The following OTUB2 variants were observed in gnomAD, a reference collection of about 807,000 sequenced individuals.
OTUB2 encodes the protein OTU deubiquitinase, ubiquitin aldehyde binding 2, also known as ubiquitin thioesterase OTUB2.
Under a neutral mutation model 25.1 loss-of-function variants are expected in OTUB2, and 21 were observed. The observed-to-expected ratio is 0.84, with a 90% confidence interval of 0.59 to 1.21. The LOEUF (loss-of-function observed/expected upper bound fraction) is 1.21, where lower values mean the gene tolerates loss of function less well. Among genes scored for constraint, OTUB2 ranks in the 50% most tolerant of loss-of-function variants. OTUB2 has a pLI of 0.00. For missense variants in OTUB2, 283 were observed against 298.0 expected (o/e 0.95, Z 0.37); for synonymous variants, 122 against 122.8 (o/e 0.99, Z 0.04).
chr14:94,035,290 T>TC (rs1419387841), intron 1 of OTUB2, among the ~76,000 whole-genome samples: 1 of 135,740 alleles, frequency 7.4e-6, no homozygotes, highest in East Asian at 2.1e-4. Flanking sequence ...TCTTTTCTTT[T>TC]TTTTTTTTTT....
chr14:94,031,630 C>CTT (rs1430471634), intron 1 of OTUB2, among the ~76,000 whole-genome samples: 13 of 152,320 alleles, frequency 8.5e-5, no homozygotes, highest in African/African-American at 3.1e-4. Context: ...AGCTGTAGTG[C>CTT]TGGCTCCCAC....
In OTUB2 at chr14:94,047,373, T is replaced by C. The variant is rs184973306; in HGVS notation, c.*1451T>C. Reference sequence around the variant, plus strand: ...CTCTTCTGCCTTCGTGAAAAGCCAATAGCACTCTCAGATATCAGGGGATTT... The same window carrying C: ...CTCTTCTGCCTTCGTGAAAAGCCAACAGCACTCTCAGATATCAGGGGATTT... On this transcript the variant is annotated 3_prime_UTR_variant, in exon 6 of 6. Transcript: ENST00000203664. 6 of 152,262 alleles carry C rather than the reference T, an allele frequency of 3.9e-5. No individual in the cohort carries two copies. Among genetic ancestry groups the C allele is most frequent in the African/African-American group, 1.2e-4 (5 of 41,528 alleles). 9.4% of individuals were successfully genotyped at this position (152,262 alleles called of 1,614,324 possible).
chr14:94,041,687 C>T lies in OTUB2; in HGVS notation c.219-2284C>T, dbSNP rs150038207. ...GCCCCTGCCTCTCCTGCCCCGTTGCCTACCCACCCTGAGTTCTAGGCACAG... is the reference window on the plus strand; with the variant it reads ...GCCCCTGCCTCTCCTGCCCCGTTGCTTACCCACCCTGAGTTCTAGGCACAG... On this transcript the variant is annotated intron_variant, in intron 3 of 5. Coordinates refer to ENST00000203664, the MANE Select transcript of OTUB2 (RefSeq NM_023112.4). Among the ~76,000 whole-genome samples the T allele has an allele frequency of 1.7e-3, 255 of 152,320 alleles. 2 individuals carry two copies. Among genetic ancestry groups the T allele is most frequent in the Middle Eastern group, 0.014 (4 of 294 alleles).
rs144694361 is a variant in OTUB2 at position 94,031,676 on chromosome 14, G to A, written c.3+5136G>A. ...AAGCCAGTCTGAACACAAAGCCCAC[G>A]TCCTTGCGCTTTCTGCTAGTTCCCA... is the stretch of plus-strand genomic sequence containing the variant. On this transcript the variant is annotated intron_variant, in intron 1 of 5. Coordinates refer to ENST00000203664, the MANE Select transcript of OTUB2 (RefSeq NM_023112.4). Among the ~76,000 whole-genome samples, 28 of 152,254 alleles carry A rather than the reference G, an allele frequency of 1.8e-4. No individual in the cohort carries two copies. The East Asian group carries it at 3.9e-3, about 21-fold the overall frequency.
At chr14:94,035,831 C>T (rs917358286) in intron 1 of OTUB2, among the ~76,000 whole-genome samples, 3 of 152,116 alleles carry the variant, frequency 2.0e-5, no homozygotes, top group African/African-American at 4.8e-5. Flanking sequence ...CCCCCTTCTC[C>T]GTGCCAGGCC....
chr14:94,040,883 G>T lies in OTUB2; in HGVS notation c.218+1802G>T, dbSNP rs529757575. Reference sequence around the variant, plus strand: ...GTCTGGGGTTGGCAGTTTCAAGCAGGGTTGGAGAGGTAAGGGCGGCAGGGC... The same window carrying T: ...GTCTGGGGTTGGCAGTTTCAAGCAGTGTTGGAGAGGTAAGGGCGGCAGGGC... On this transcript the variant is annotated intron_variant, in intron 3 of 5. Coordinates refer to ENST00000203664, the MANE Select transcript of OTUB2 (RefSeq NM_023112.4). 6.6e-5 allele frequency among the ~76,000 whole-genome samples: 10 copies of T among 152,334 alleles called. No homozygotes were observed. In the South Asian group the frequency reaches 1.2e-3, roughly 19 times the overall value.
intron 1 of OTUB2, among the ~76,000 whole-genome samples, chr14:94,037,095 G>A (rs1424698237): frequency 1.3e-5 from 2 of 152,196 alleles, no homozygotes; most frequent in Non-Finnish European, 2.9e-5. Context: ...CGTTAAGTTT[G>A]AGGTACACAT....
At chr14:94,041,052 T>A (rs546562707) in intron 3 of OTUB2, among the ~76,000 whole-genome samples, 1 of 152,056 alleles carries the variant, frequency 6.6e-6, no homozygotes, top group South Asian at 2.1e-4. Flanking sequence ...GCCAGGGAGA[T>A]GTGGTCGGGG....
chr14:94,039,722 A>AGATGCT (rs1885123720), intron 3 of OTUB2, among the ~76,000 whole-genome samples: 1 of 152,142 alleles, frequency 6.6e-6, no homozygotes, highest in Non-Finnish European at 1.5e-5. Flanking sequence ...GGCTCCCAGG[A>AGATGCT]GATGCTGATG....
intron 1 of OTUB2, among the ~76,000 whole-genome samples, chr14:94,036,781 C>G (rs1427813785): frequency 1.3e-5 from 2 of 152,294 alleles, no homozygotes; most frequent in South Asian, 2.1e-4. Context: ...CTGTGCTCCC[C>G]GAGCTCAGAT....
At chr14:94,042,302 A>G (rs2402387) in intron 3 of OTUB2, among the ~76,000 whole-genome samples, 77,597 of 151,354 alleles carry the variant, frequency 0.51, 21,175 homozygotes, top group African/African-American at 0.72. Flanking sequence ...CACCCCCTCC[A>G]AGCCCCAGTG....
rs1474893893 is a variant in OTUB2, at chr14:94,044,641, AG to A, written c.361del (p.Val121CysfsTer48). 3.1e-6 allele frequency: 5 copies of A among 1,614,152 alleles called. No homozygotes were observed. The South Asian group carries it at 4.4e-5, about 14-fold the overall frequency. On this transcript the variant is annotated frameshift_variant, in exon 5 of 6. Coordinates refer to ENST00000203664, the MANE Select transcript of OTUB2 (RefSeq NM_023112.4). LOFTEE classifies it high-confidence loss of function. ...EKDGSVSSLLKVFNDQSASDH... is the reference protein window; with the variant it reads ...EKDGSVSSLLXVFNDQSASDH... Reference sequence around the variant, plus strand: ...GATGGCTCAGTGTCCAGCCTGCTGAAGGTGTTCAACGACCAGAGTGCCTCGG... The same window carrying A: ...GATGGCTCAGTGTCCAGCCTGCTGAAGTGTTCAACGACCAGAGTGCCTCGG...
At chr14:94,040,144 CT>C (rs1885132739) in intron 3 of OTUB2, among the ~76,000 whole-genome samples, 2 of 152,202 alleles carry the variant, frequency 1.3e-5, no homozygotes, top group Non-Finnish European at 2.9e-5. Flanking sequence ...TGGTTGAGAA[CT>C]ACTAGGTTAA....
chr14:94,031,089 G>A (rs1884953186), intron 1 of OTUB2, among the ~76,000 whole-genome samples: 2 of 152,162 alleles, frequency 1.3e-5, no homozygotes, highest in African/African-American at 4.8e-5. Flanking sequence ...GCTTCCAAAC[G>A]ATTATCATCG....
chr14:94,033,270 T>C (rs1884994360), intron 1 of OTUB2, among the ~76,000 whole-genome samples: 1 of 152,194 alleles, frequency 6.6e-6, no homozygotes, highest in Non-Finnish European at 1.5e-5. Context: ...TTGTCAAAAA[T>C]GCAAATTTTA....
At chr14:94,029,133 G>C (rs935770452) in intron 1 of OTUB2, among the ~76,000 whole-genome samples, 1 of 152,088 alleles carries the variant, frequency 6.6e-6, no homozygotes, top group Admixed American at 6.6e-5. Context: ...CCAATGAGGG[G>C]GAAACCATAA....
intron 1 of OTUB2, among the ~76,000 whole-genome samples, chr14:94,032,916 G>A (rs1165716306): frequency 1.3e-5 from 2 of 152,186 alleles, no homozygotes; most frequent in Non-Finnish European, 2.9e-5. Flanking sequence ...GAACTGCTAT[G>A]TAGTATTTTC....
intron 1 of OTUB2, among the ~76,000 whole-genome samples, chr14:94,030,462 G>A (rs1318824441): frequency 2.6e-5 from 4 of 152,024 alleles, no homozygotes; most frequent in African/African-American, 7.3e-5. Context: ...GGTCAGGCCC[G>A]GAGAGGAAGA....
At chr14:94,031,420 G>C (rs541709168) in intron 1 of OTUB2, among the ~76,000 whole-genome samples, 1 of 152,252 alleles carries the variant, frequency 6.6e-6, no homozygotes, top group South Asian at 2.1e-4. Context: ...GCAGGTTTCA[G>C]GTACATACAG....
Sources: allele counts gnomAD v4.1 joint callset (sites outside exome capture counted in the v4.1 genomes callset), GRCh38; gene constraint gnomAD v4.1.1; transcripts MANE v1.5; gene names NCBI Gene and HGNC (gene_info 2026-07-23, HGNC 2026-07-21).